Variants in PTPN3 observed in about 807,000 individuals in gnomAD.
The protein encoded by PTPN3 is tyrosine-protein phosphatase non-receptor type 3.
PTPN3 carries 96 observed loss-of-function variants against 132.7 expected under a neutral mutation model. The ratio of observed to expected loss-of-function variants is 0.72; its 90% CI spans 0.61 to 0.86. PTPN3 has a LOEUF of 0.86. Among genes scored for constraint, PTPN3 ranks in the 40% least tolerant of loss-of-function variants. PTPN3 has a pLI of 0.00. For missense variants in PTPN3, 1,125 were observed against 1,159.6 expected (o/e 0.97, Z 0.43); for synonymous variants, 398 against 429.0 (o/e 0.93, Z 0.89).
At chr9:109,397,689 A>G (rs1289771973) in intron 19 of PTPN3, 1 of 152,218 alleles carries the variant, frequency 6.6e-6, no homozygotes, top group Admixed American at 6.5e-5. Context: ...GGGACCTTCC[A>G]TAGTGCCCCT....
rs1449612629 is a variant in PTPN3 at position 109,378,307 on chromosome 9, T to C, written c.*1249A>G. 1 of 152,598 alleles carries C rather than the reference T, an allele frequency of 6.6e-6. No individual in the cohort carries two copies. The highest frequency in any genetic ancestry group is 1.5e-5 in the Non-Finnish European group (1 of 68,040). The allele number at this position is 152,598 out of a possible 1,614,324, so 9.5% of individuals were successfully genotyped here. The stretch of plus-strand genomic sequence containing the variant: ...ATCCTGTCACAAATTTAAAAAAATT[T>C]AACACGGTATTCACAAAGGCAGAAT... On this transcript the variant is annotated 3_prime_UTR_variant, in exon 26 of 26. Coordinates refer to ENST00000374541, the MANE Select transcript of PTPN3 (RefSeq NM_002829.4).
intron 9 of PTPN3, among the ~76,000 whole-genome samples, chr9:109,434,692 T>C (rs1045847034): frequency 1.3e-5 from 2 of 152,224 alleles, no homozygotes; most frequent in African/African-American, 4.8e-5. Context: ...CTACTAGCTA[T>C]ATAATGTTGG....
chr9:109,438,185 G>A lies in PTPN3; in HGVS notation c.516C>T (p.Ser172=), dbSNP rs201824403. The change falls in exon 8 of 26, where the codon TCC becomes TCT. Residue 172 remains serine (S), a synonymous_variant. Transcript: ENST00000374541. ...NSSIHHPGYL[S]DSHFIPDQNE... ...TTTGATCGGGTATAAAGTGACTATC[G>A]GAAAGATAGCCTGGATGATGTATGG... The A allele has an allele frequency of 1.1e-5, 18 of 1,613,084 alleles. No individual in the cohort carries two copies. The highest frequency in any genetic ancestry group is 7.7e-5 in the South Asian group (7 of 91,036).
the PTPN3 span, among the ~76,000 whole-genome samples, chr9:109,529,025 T>G: frequency 6.6e-6 from 1 of 152,244 alleles, no homozygotes; most frequent in Non-Finnish European, 1.5e-5. Context: ...TCCAAGTAAG[T>G]GCCTCCCATC....
intron 16 of PTPN3, among the ~76,000 whole-genome samples, chr9:109,409,483 A>G (rs1372760749): frequency 1.3e-5 from 2 of 152,196 alleles, no homozygotes; most frequent in Non-Finnish European, 2.9e-5. Flanking sequence ...TGCCAGGCAC[A>G]GAGCAGGCAC....
chr9:109,485,775 A>G (rs545853102), intron 1 of PTPN3, among the ~76,000 whole-genome samples: 21 of 152,280 alleles, frequency 1.4e-4, no homozygotes, highest in Non-Finnish European at 2.9e-4. Context: ...GCAGCTCACG[A>G]GAGGGAACCC....
chr9:109,465,015 C>A (rs1296754573), intron 1 of PTPN3, among the ~76,000 whole-genome samples: 4 of 152,322 alleles, frequency 2.6e-5, no homozygotes, highest in African/African-American at 9.6e-5. Flanking sequence ...CACTTTGTGA[C>A]AATTTACCAA....
the PTPN3 span, chr9:109,533,401 C>T: frequency 4.2e-6 from 4 of 956,106 alleles, no homozygotes; most frequent in East Asian, 2.7e-5. Flanking sequence ...CCGCCTCGGC[C>T]TCTCAAAGTG....
At chr9:109,456,197 G>A (rs1185498039) in intron 4 of PTPN3, among the ~76,000 whole-genome samples, 3 of 152,238 alleles carry the variant, frequency 2.0e-5, no homozygotes, top group South Asian at 2.1e-4. Context: ...ACCTGCGTGC[G>A]CAAATCCACT....
intron 14 of PTPN3, among the ~76,000 whole-genome samples, chr9:109,415,047 C>T (rs1052982263): frequency 5.6e-4 from 76 of 136,708 alleles, no homozygotes; most frequent in South Asian, 1.1e-3. Flanking sequence ...TCCGTCCGTC[C>T]GTCCATCCGT....
At chr9:109,476,689 CCAAGT>C (rs1239828107) in intron 1 of PTPN3, among the ~76,000 whole-genome samples, 1 of 152,164 alleles carries the variant, frequency 6.6e-6, no homozygotes, top group Non-Finnish European at 1.5e-5. Flanking sequence ...TCTGCCACTC[CCAAGT>C]GGACATGAAC....
chr9:109,535,125 C>A, the PTPN3 span, among the ~76,000 whole-genome samples: 1 of 152,162 alleles, frequency 6.6e-6, no homozygotes. Context: ...TTTAAAAAAT[C>A]AGTTTGAAAA....
intron 19 of PTPN3, among the ~76,000 whole-genome samples, chr9:109,398,968 G>A (rs1394890705): frequency 6.6e-6 from 1 of 152,086 alleles, no homozygotes; most frequent in Non-Finnish European, 1.5e-5. Flanking sequence ...CTTTACATAA[G>A]AGAAAGAGGA....
chr9:109,476,026 A>C (rs1022324078), intron 1 of PTPN3, among the ~76,000 whole-genome samples: 4 of 152,196 alleles, frequency 2.6e-5, no homozygotes, highest in Non-Finnish European at 4.4e-5. Flanking sequence ...CGAAGTCACT[A>C]ACTCACTTTT....
intron 10 of PTPN3, among the ~76,000 whole-genome samples, chr9:109,432,578 C>T (rs748196047): frequency 2.6e-5 from 4 of 152,144 alleles, no homozygotes; most frequent in Non-Finnish European, 4.4e-5. Flanking sequence ...ACGAGTAATG[C>T]GGGACAGGCT....
At chr9:109,399,459 C>T (rs1840878528) in intron 19 of PTPN3, among the ~76,000 whole-genome samples, 1 of 152,144 alleles carries the variant, frequency 6.6e-6, no homozygotes, top group African/African-American at 2.4e-5. Flanking sequence ...CTGGCCATAT[C>T]GATTTCACAG....
chr9:109,420,223 C>T (rs563552308), intron 14 of PTPN3, among the ~76,000 whole-genome samples: 1 of 152,296 alleles, frequency 6.6e-6, no homozygotes, highest in East Asian at 1.9e-4. Context: ...GAAGTACAAG[C>T]TCTAGACCCC....
At chr9:109,490,607 C>T (rs1437746214) in intron 1 of PTPN3, among the ~76,000 whole-genome samples, 1 of 152,038 alleles carries the variant, frequency 6.6e-6, no homozygotes, top group African/African-American at 2.4e-5. Context: ...GGCGTGGTGG[C>T]ACATGCCTGT....
intron 5 of PTPN3, among the ~76,000 whole-genome samples, chr9:109,452,574 T>C (rs1845328272): frequency 6.6e-6 from 1 of 151,952 alleles, no homozygotes; most frequent in South Asian, 2.1e-4. Context: ...AGAGCCTTTT[T>C]TTTTTTTCTG....
Sources: allele counts gnomAD v4.1 joint callset (sites outside exome capture counted in the v4.1 genomes callset), GRCh38; gene constraint gnomAD v4.1.1; transcripts MANE v1.5; gene names NCBI Gene and HGNC (gene_info 2026-07-23, HGNC 2026-07-21).